SNTG1: variants seen among roughly 807,000 people sequenced by gnomAD.
The protein encoded by SNTG1 is syntrophin gamma 1.
A neutral mutation model predicts 74.7 loss-of-function variants in SNTG1; 39 were observed. The observed-to-expected ratio is 0.52, with a 90% CI of 0.40 to 0.68. The LOEUF is 0.68. Ranked by LOEUF, SNTG1 falls within the 30% of genes least tolerant of loss-of-function variation. SNTG1 has a pLI of 0.00. For missense variants in SNTG1, 685 were observed against 609.5 expected, an observed-to-expected ratio of 1.12 and a Z score of -1.30; for synonymous variants, 254 against 217.1, an observed-to-expected ratio of 1.17 and a Z score of -1.49.
At chr8:50,541,358 C>T (rs552485329) in intron 11 of SNTG1, among the ~76,000 whole-genome samples, 76 of 151,646 alleles carry the variant, frequency 5.0e-4, no homozygotes, top group African/African-American at 1.7e-3. Context: ...TGAACAGTTC[C>T]ATCATTGCAG....
At chr8:50,232,235 TA>T (rs2085665640) in intron 2 of SNTG1, among the ~76,000 whole-genome samples, 4 of 151,348 alleles carry the variant, frequency 2.6e-5, no homozygotes, top group Admixed American at 2.6e-4. Context: ...AAGCAACATA[TA>T]TAGGAAATAT....
At chr8:50,501,749 T>TGTCG (rs1293748022) in intron 8 of SNTG1, among the ~76,000 whole-genome samples, 13 of 151,958 alleles carry the variant, frequency 8.6e-5, no homozygotes, top group African/African-American at 3.1e-4. Context: ...TGAGCCACCA[T>TGTCG]GCCCAGCCAT....
intron 2 of SNTG1, among the ~76,000 whole-genome samples, chr8:50,374,368 A>G (rs910614221): frequency 3.3e-5 from 5 of 152,212 alleles, no homozygotes; most frequent in African/African-American, 1.2e-4. Context: ...GTTTAATAAA[A>G]CTATATAGGC....
intron 8 of SNTG1, among the ~76,000 whole-genome samples, chr8:50,468,643 C>T (rs2093628125): frequency 6.6e-6 from 1 of 152,080 alleles, no homozygotes; most frequent in African/African-American, 2.4e-5. Context: ...ATTGATGTAA[C>T]TGAATTAATA....
chr8:50,006,690 G>C (rs1050979924), intron 1 of SNTG1, among the ~76,000 whole-genome samples: 3 of 152,114 alleles, frequency 2.0e-5, no homozygotes, highest in African/African-American at 7.2e-5. Flanking sequence ...TGTGCCAATG[G>C]GGCTTCCTCT....
intron 2 of SNTG1, among the ~76,000 whole-genome samples, chr8:50,318,896 T>C (rs761229043): frequency 4.6e-5 from 7 of 152,014 alleles, no homozygotes; most frequent in Non-Finnish European, 1.0e-4. Flanking sequence ...CTATTTCAAT[T>C]CTATAATTCT....
chr8:50,297,894 T>C (rs1055154768), intron 2 of SNTG1, among the ~76,000 whole-genome samples: 6 of 150,696 alleles, frequency 4.0e-5, no homozygotes, highest in Non-Finnish European at 8.9e-5. Context: ...TTTTTTTTTT[T>C]ACAACAATTT....
rs547206848 is a variant in SNTG1 at position 50,065,969 on chromosome 8, C to T, written c.-102-106592C>T. Among the ~76,000 whole-genome samples, 472 of 152,312 alleles carry T rather than the reference C, an allele frequency of 3.1e-3. 1 individual carries two copies. The highest frequency in any genetic ancestry group is 0.011 in the African/African-American group (448 of 41,570). ...CTGTGGCTCACGCCTGTAATCCCAC[C>T]ACTTTGGGAGGCCGAGGCAGGCGGA... is the stretch of plus-strand genomic sequence containing the variant. On this transcript the variant is annotated intron_variant, in intron 1 of 18. Transcript: ENST00000642720.
intron 13 of SNTG1, among the ~76,000 whole-genome samples, chr8:50,606,189 T>C (rs1032474722): frequency 6.6e-6 from 1 of 152,222 alleles, no homozygotes. Flanking sequence ...GAACAACTTG[T>C]AGACTTATTC....
In SNTG1 at chr8:50,121,004, A is replaced by G. The variant is rs2080980936; in HGVS notation, c.-102-51557A>G. Among the ~76,000 whole-genome samples the G allele has an allele frequency of 2.1e-5, 3 of 141,940 alleles. 1 individual carries two copies. The highest frequency in any genetic ancestry group is 1.5e-4 in the Admixed American group (2 of 13,696). The allele number at this position is 141,940 out of a possible 152,430, so 93.1% of individuals were successfully genotyped here. On this transcript the variant is annotated intron_variant, in intron 1 of 18. Transcript: ENST00000642720. ...AAACACTGAGCTGCTTTTGCTCCCC[A>G]TATTTCATTATCATATCAAGACACT...
chr8:50,565,148 A>G (rs747888138), intron 12 of SNTG1, among the ~76,000 whole-genome samples: 1 of 151,992 alleles, frequency 6.6e-6, no homozygotes, highest in Non-Finnish European at 1.5e-5. Context: ...AAAATACCTG[A>G]CCAGCACTCC....
At chr8:50,353,807 A>C (rs2091739966) in intron 2 of SNTG1, among the ~76,000 whole-genome samples, 2 of 152,222 alleles carry the variant, frequency 1.3e-5, no homozygotes, top group South Asian at 4.1e-4. Context: ...AAAAATGTGA[A>C]AGAGTGAAGA....
chr8:50,622,929 A>C (rs1221279613), intron 13 of SNTG1, among the ~76,000 whole-genome samples: 1 of 152,118 alleles, frequency 6.6e-6, no homozygotes, highest in African/African-American at 2.4e-5. Context: ...TTTTCGGTGA[A>C]AATGTTTTCT....
Position 50,572,187 on chromosome 8 carries a change from T to C in SNTG1, c.811-18692T>C, listed in dbSNP as rs191793509. On this transcript the variant is annotated intron_variant, in intron 12 of 18. Transcript: ENST00000642720. ...GATTCCCCTCCTTCTCATACTCCTA[T>C]AGCATCTTGTTATAATACTCGTCTC... Among the ~76,000 whole-genome samples the C allele has an allele frequency of 4.2e-3, 641 of 152,072 alleles. 9 individuals are homozygous for C. Among genetic ancestry groups the C allele is most frequent in the African/African-American group, 0.014 (580 of 41,490 alleles).
At chr8:50,416,664 T>C (rs2093017669) in intron 4 of SNTG1, among the ~76,000 whole-genome samples, 1 of 152,168 alleles carries the variant, frequency 6.6e-6, no homozygotes, top group Non-Finnish European at 1.5e-5. Flanking sequence ...GTTTGAAGTG[T>C]ATTTGAGACA....
At chr8:50,508,491 G>A (rs534748248) in intron 9 of SNTG1, among the ~76,000 whole-genome samples, 14 of 152,240 alleles carry the variant, frequency 9.2e-5, no homozygotes, top group South Asian at 6.2e-4. Context: ...CTGAGGAATC[G>A]CCACACTGAC....
intron 8 of SNTG1, among the ~76,000 whole-genome samples, chr8:50,465,202 A>C (rs569996186): frequency 3.0e-4 from 46 of 152,244 alleles, no homozygotes; most frequent in African/African-American, 1.0e-3. Flanking sequence ...ATCTCATTCT[A>C]ACAAATGGTT....
intron 1 of SNTG1, among the ~76,000 whole-genome samples, chr8:50,037,912 G>A (rs1818300326): frequency 6.6e-6 from 1 of 152,158 alleles, no homozygotes; most frequent in Non-Finnish European, 1.5e-5. Context: ...GGACTTTGTG[G>A]GTGCTCTAAC....
chr8:50,156,160 C>T lies in SNTG1; in HGVS notation c.-102-16401C>T, dbSNP rs116432138. ...TTTGCCCCTATACACAAAACACCCCCAGGTACAGTTGGCTTCATTAGTCAA... is the reference window on the plus strand; with the variant it reads ...TTTGCCCCTATACACAAAACACCCCTAGGTACAGTTGGCTTCATTAGTCAA... On this transcript the variant is annotated intron_variant, in intron 1 of 18. Transcript: ENST00000642720. Among the ~76,000 whole-genome samples the T allele has an allele frequency of 5.1e-3, 775 of 152,144 alleles. 5 individuals carry two copies. The highest frequency in any genetic ancestry group is 0.018 in the African/African-American group (746 of 41,556).
Sources: gnomAD v4.1 joint callset for allele counts (sites outside exome capture counted in the v4.1 genomes callset) on GRCh38, gnomAD v4.1.1 for gene constraint, MANE v1.5 for transcripts, NCBI Gene and HGNC (gene_info 2026-07-23, HGNC 2026-07-21) for gene names.